Variants in SORCS3 observed in about 807,000 individuals in gnomAD.
SORCS3 encodes sortilin related VPS10 domain containing receptor 3.
Under a neutral mutation model 146.3 loss-of-function variants are expected in SORCS3, and 57 were observed. The observed-to-expected ratio is 0.39, with a 90% CI of 0.31 to 0.49. The LOEUF (loss-of-function observed/expected upper bound fraction) is 0.49, where lower values mean the gene tolerates loss of function less well. SORCS3 is among the 20% of genes least tolerant of loss of function. The pLI, the probability that SORCS3 is intolerant of heterozygous loss-of-function variation, is 0.92. For missense variants in SORCS3, 1,341 were observed against 1,575.5 expected, an observed-to-expected ratio of 0.85 and a Z score of 2.52; for synonymous variants, 653 against 618.5, an observed-to-expected ratio of 1.06 and a Z score of -0.83.
chr10:104,760,785 C>T (rs1428834965), intron 1 of SORCS3, among the ~76,000 whole-genome samples: 2 of 152,098 alleles, frequency 1.3e-5, no homozygotes, highest in Admixed American at 6.5e-5. Flanking sequence ...CAGTATGAGT[C>T]TCTTGATTCA....
chr10:105,071,254 T>A (rs1236924257), intron 5 of SORCS3, among the ~76,000 whole-genome samples: 2 of 152,196 alleles, frequency 1.3e-5, no homozygotes, highest in Admixed American at 6.5e-5. Context: ...ATAAAATGAA[T>A]GAAAGGCTGT....
chr10:104,737,349 G>A (rs1437206247), intron 1 of SORCS3, among the ~76,000 whole-genome samples: 9 of 151,648 alleles, frequency 5.9e-5, no homozygotes, highest in East Asian at 3.9e-4. Flanking sequence ...CTGAGGAATC[G>A]CCACACTGAC....
At chr10:105,108,423 A>G (rs1267626130) in intron 7 of SORCS3, among the ~76,000 whole-genome samples, 3 of 152,162 alleles carry the variant, frequency 2.0e-5, no homozygotes, top group East Asian at 3.9e-4. Flanking sequence ...GAGTTGATCT[A>G]TTGTAAAGTT....
At position 104,788,747 on chromosome 10, in the gene SORCS3, T is replaced by A. The variant is rs568111644; in HGVS notation, c.628-54045T>A. Among the ~76,000 whole-genome samples, 20 of 152,360 alleles carry A rather than the reference T, an allele frequency of 1.3e-4. 1 individual carries two copies. The East Asian group carries it at 1.7e-3, about 13-fold the overall frequency. Reference sequence around the variant, plus strand: ...AAAGATGAGCAAATTGTGGTTTGAATGTGAGTAACTGAAGCTACCCAGAAA... The same window carrying A: ...AAAGATGAGCAAATTGTGGTTTGAAAGTGAGTAACTGAAGCTACCCAGAAA... On this transcript the variant is annotated intron_variant, in intron 1 of 26. Coordinates refer to ENST00000369701, the MANE Select transcript of SORCS3 (RefSeq NM_014978.3).
At chr10:105,029,515 A>G (rs2055250701) in intron 4 of SORCS3, among the ~76,000 whole-genome samples, 1 of 152,240 alleles carries the variant, frequency 6.6e-6, no homozygotes, top group Non-Finnish European at 1.5e-5. Context: ...TCTGCATTTT[A>G]GCTGAGGCTG....
At chr10:105,116,247 A>C (rs2055892719) in intron 7 of SORCS3, among the ~76,000 whole-genome samples, 1 of 152,202 alleles carries the variant, frequency 6.6e-6, no homozygotes, top group Admixed American at 6.5e-5. Flanking sequence ...AGCTTTGCGC[A>C]GAGGTGACCT....
At chr10:104,958,232 C>A (rs973990158) in intron 3 of SORCS3, among the ~76,000 whole-genome samples, 3 of 151,978 alleles carry the variant, frequency 2.0e-5, no homozygotes, top group African/African-American at 7.3e-5. Context: ...TGAATTTGAA[C>A]CTGTCTTAAT....
intron 1 of SORCS3, among the ~76,000 whole-genome samples, chr10:104,645,832 G>T (rs1313725640): frequency 6.6e-6 from 1 of 152,154 alleles, no homozygotes; most frequent in Non-Finnish European, 1.5e-5. Context: ...CAGATTAATT[G>T]TATTTCACTC....
intron 5 of SORCS3, among the ~76,000 whole-genome samples, chr10:105,053,572 C>G (rs963401115): frequency 2.6e-5 from 4 of 151,740 alleles, no homozygotes; most frequent in Admixed American, 1.3e-4. Flanking sequence ...GTCTTCATAG[C>G]CTTTTTTCCC....
At chr10:105,119,376 G>T (rs542164231) in intron 7 of SORCS3, among the ~76,000 whole-genome samples, 4 of 152,268 alleles carry the variant, frequency 2.6e-5, no homozygotes, top group African/African-American at 9.6e-5. Context: ...CCTCTGCTAG[G>T]ATAGTGAGGA....
chr10:105,149,715 G>A (rs1237072420), intron 9 of SORCS3, among the ~76,000 whole-genome samples: 2 of 152,138 alleles, frequency 1.3e-5, no homozygotes, highest in East Asian at 1.9e-4. Context: ...TTGCAGTCAA[G>A]AAATTCTTGT....
At chr10:104,828,096 T>C (rs1263853374) in intron 1 of SORCS3, among the ~76,000 whole-genome samples, 2 of 152,184 alleles carry the variant, frequency 1.3e-5, no homozygotes, top group Non-Finnish European at 2.9e-5. Context: ...TTCACGTGTA[T>C]GTTCACTGGA....
intron 1 of SORCS3, among the ~76,000 whole-genome samples, chr10:104,668,856 C>T (rs1193269072): frequency 6.6e-6 from 1 of 152,178 alleles, no homozygotes; most frequent in African/African-American, 2.4e-5. Flanking sequence ...TCCCGAGAGC[C>T]TTATCAGATA....
intron 14 of SORCS3, among the ~76,000 whole-genome samples, chr10:105,186,991 C>A (rs2119582956): frequency 6.6e-6 from 1 of 152,078 alleles, no homozygotes; most frequent in Admixed American, 6.6e-5. Context: ...CATTGCTCAA[C>A]TCCAGACTTA....
intron 5 of SORCS3, among the ~76,000 whole-genome samples, chr10:105,073,105 C>G: frequency 6.6e-6 from 1 of 151,798 alleles, no homozygotes; most frequent in Non-Finnish European, 1.5e-5. Flanking sequence ...CCCTACTATA[C>G]GGTGTTACTA....
chr10:105,019,275 C>T (rs2055185495), intron 4 of SORCS3, among the ~76,000 whole-genome samples: 1 of 152,108 alleles, frequency 6.6e-6, no homozygotes, highest in Non-Finnish European at 1.5e-5. Flanking sequence ...TACTTAATGT[C>T]ATTAAATCAG....
intron 9 of SORCS3, among the ~76,000 whole-genome samples, chr10:105,150,495 T>C (rs899517289): frequency 6.6e-6 from 1 of 152,080 alleles, no homozygotes; most frequent in African/African-American, 2.4e-5. Context: ...TGACTGTCAG[T>C]CCTTTTGCCC....
chr10:105,095,238 C>G (rs577858336), intron 6 of SORCS3, among the ~76,000 whole-genome samples: 2 of 152,154 alleles, frequency 1.3e-5, no homozygotes, highest in African/African-American at 2.4e-5. Context: ...TTTCCCTGGT[C>G]CCCGATCCAG....
intron 5 of SORCS3, among the ~76,000 whole-genome samples, chr10:105,075,221 G>T (rs1341892523): frequency 6.6e-6 from 1 of 152,176 alleles, no homozygotes; most frequent in Non-Finnish European, 1.5e-5. Flanking sequence ...TGAAAGGAGA[G>T]CACTGACTCA....
Sources: gnomAD v4.1 joint callset for allele counts (sites outside exome capture counted in the v4.1 genomes callset) on GRCh38, gnomAD v4.1.1 for gene constraint, MANE v1.5 for transcripts, NCBI Gene and HGNC (gene_info 2026-07-23, HGNC 2026-07-21) for gene names.